Variants in TMEM14A observed in about 807,000 individuals in gnomAD.
TMEM14A encodes transmembrane protein 14A.
Under a neutral mutation model 11.6 loss-of-function variants are expected in TMEM14A, and 8 were observed. The observed-to-expected ratio is 0.69, with a 90% CI of 0.40 to 1.24. TMEM14A has a LOEUF of 1.24. TMEM14A is among the 50% of genes most tolerant of loss of function. The pLI, the probability that TMEM14A is intolerant of heterozygous loss-of-function variation, is 0.01. For synonymous variants in TMEM14A, 34 were observed against 45.5 expected, an observed-to-expected ratio of 0.75 and a Z score of 1.02; for missense variants, 108 against 121.9, an observed-to-expected ratio of 0.89 and a Z score of 0.54.
At chr6:52,679,491 C>G (rs1457762721) in intron 2 of TMEM14A, among the ~76,000 whole-genome samples, 1 of 152,120 alleles carries the variant, frequency 6.6e-6, no homozygotes. Flanking sequence ...TTTGGACGAC[C>G]ATAAGAGCAC....
intron 1 of TMEM14A, among the ~76,000 whole-genome samples, chr6:52,671,682 A>T (rs1769164689): frequency 6.6e-6 from 1 of 152,138 alleles, no homozygotes; most frequent in Non-Finnish European, 1.5e-5. Context: ...GTTCACCGAA[A>T]ATCTCTTAAT....
At chr6:52,677,940 A>G (rs1769290074) in intron 2 of TMEM14A, among the ~76,000 whole-genome samples, 2 of 152,232 alleles carry the variant, frequency 1.3e-5, no homozygotes, top group South Asian at 4.1e-4. Context: ...GAAGCACCGT[A>G]TAGCTCTTGT....
chr6:52,683,277 T>C (rs1350192880), intron 3 of TMEM14A, among the ~76,000 whole-genome samples: 1 of 152,032 alleles, frequency 6.6e-6, no homozygotes, highest in Non-Finnish European at 1.5e-5. Context: ...CTGGCCAACA[T>C]AGCAAGACCC....
At chr6:52,678,310 AGTGTGTGTATGTGTGTGTTTGTGT>A (rs1423851392) in intron 2 of TMEM14A, among the ~76,000 whole-genome samples, 2,027 of 140,628 alleles carry the variant, frequency 0.014, 25 homozygotes, top group Admixed American at 0.02. Flanking sequence ...AGATATAGAG[AGTGTGTGTATGTGTGTGTTTGTGT>A]GTGTGTGTGT....
chr6:52,678,329 T>TTG (rs201993880), intron 2 of TMEM14A, among the ~76,000 whole-genome samples: 353 of 30,126 alleles, frequency 0.012, no homozygotes, highest in Non-Finnish European at 0.051. Context: ...ATGTGTGTGT[T>TTG]TGTGTGTGTG....
intron 1 of TMEM14A, among the ~76,000 whole-genome samples, chr6:52,674,165 A>T (rs1769212650): frequency 6.6e-6 from 1 of 152,240 alleles, no homozygotes; most frequent in Non-Finnish European, 1.5e-5. Flanking sequence ...ACTTTATAGC[A>T]TATGGTTAGC....
chr6:52,679,630 C>T (rs931687513), intron 2 of TMEM14A, among the ~76,000 whole-genome samples: 10 of 152,198 alleles, frequency 6.6e-5, no homozygotes, highest in African/African-American at 2.4e-4. Context: ...CTTGTAGCCC[C>T]CACTATGGGT....
At chr6:52,679,775 C>A (rs1024295448) in intron 2 of TMEM14A, among the ~76,000 whole-genome samples, 7 of 151,806 alleles carry the variant, frequency 4.6e-5, no homozygotes, top group Non-Finnish European at 8.8e-5. Flanking sequence ...TGCTGGTGAG[C>A]CTGCCCCTGC....
chr6:52,680,342 C>A (rs1272497564), intron 2 of TMEM14A, among the ~76,000 whole-genome samples: 1 of 151,544 alleles, frequency 6.6e-6, no homozygotes, highest in South Asian at 2.1e-4. Context: ...GTCTGAAAGC[C>A]ATGACGAATA....
In TMEM14A at chr6:52,681,811, A is replaced by G. The variant is rs979095485; in HGVS notation, c.71-2A>G. 12 of 1,613,368 alleles carry G rather than the reference A, an allele frequency of 7.4e-6. No homozygotes were observed. The highest frequency in any genetic ancestry group is 2.7e-5 in the African/African-American group (2 of 74,830). ...TGATCTCATATTTTTTTCCCCTTCC[A>G]GGTGGTGTTCCGTCTTTGATTGCTG... is the stretch of plus-strand genomic sequence containing the variant. On this transcript the variant is annotated splice_acceptor_variant, in intron 2 of 4. Transcript: ENST00000211314. LOFTEE classifies it high-confidence loss of function.
In TMEM14A at chr6:52,686,106, T is replaced by C. The variant is rs1450246434; in HGVS notation, c.*57T>C. The stretch of plus-strand genomic sequence containing the variant: ...TCATCCTGCTGTAATGGGCAGAGCA[T>C]ATTTTTTTTGTATTTAAAAGATAAA... On this transcript the variant is annotated 3_prime_UTR_variant, in exon 5 of 5. Transcript: ENST00000211314. 3.3e-6 allele frequency: 5 copies of C among 1,510,066 alleles called. No individual in the cohort carries two copies. The East Asian group carries it at 9.4e-5, about 28-fold the overall frequency. The allele number at this position is 1,510,066 out of a possible 1,614,324, so 93.5% of individuals were successfully genotyped here.
intron 2 of TMEM14A, among the ~76,000 whole-genome samples, chr6:52,677,451 G>A (rs1769279367): frequency 6.7e-6 from 1 of 150,214 alleles, no homozygotes; most frequent in Admixed American, 6.7e-5. Context: ...TCTCCCTCAG[G>A]ACCACTGCTT....
chr6:52,674,366 A>G (rs16882854), intron 1 of TMEM14A, among the ~76,000 whole-genome samples: 1,977 of 152,232 alleles, frequency 0.013, 34 homozygotes, highest in African/African-American at 0.045. Flanking sequence ...CAGCTAACTC[A>G]GTTATCAGAG....
At chr6:52,677,968 G>A (rs969870687) in intron 2 of TMEM14A, among the ~76,000 whole-genome samples, 2 of 152,084 alleles carry the variant, frequency 1.3e-5, no homozygotes, top group African/African-American at 2.4e-5. Flanking sequence ...GGGCTGGCAG[G>A]TAGAATTGAC....
At chr6:52,677,306 A>G (rs1769275809) in intron 2 of TMEM14A, 134 bp downstream of exon 2, 4 of 941,386 alleles carry the variant, frequency 4.2e-6, no homozygotes, top group Non-Finnish European at 6.7e-6. Context: ...CGTGTCTTGG[A>G]AGGGACTCAT....
At chr6:52,678,054 A>G (rs1213107682) in intron 2 of TMEM14A, among the ~76,000 whole-genome samples, 1 of 152,180 alleles carries the variant, frequency 6.6e-6, no homozygotes, top group Non-Finnish European at 1.5e-5. Flanking sequence ...TGTATGTATT[A>G]GAGATGTGTA....
intron 2 of TMEM14A, among the ~76,000 whole-genome samples, 188 bp downstream of exon 2, chr6:52,677,360 C>G (rs1457872993): frequency 6.6e-6 from 1 of 152,152 alleles, no homozygotes; most frequent in African/African-American, 2.4e-5. Flanking sequence ...CAGAGTGTTC[C>G]AACCTGGGGG....
Position 52,684,086 on chromosome 6 carries a change from T to C in TMEM14A, c.181T>C (p.Phe61Leu). The change falls in exon 4 of 5, where the codon TTC (phenylalanine) becomes CTC (leucine). Residue 61 changes from phenylalanine to leucine, a missense_variant. Coordinates refer to ENST00000211314, the MANE Select transcript of TMEM14A (RefSeq NM_014051.4). ...ATTAGTTTGGTTTTCAGTTACAGCT[T>C]TCTTCCTGGCTACCATAATGGGTGT... ...RDVKVSLFTA[F>L]FLATIMGVRF... The C allele has an allele frequency of 6.2e-6, 10 of 1,612,852 alleles. No individual in the cohort carries two copies. The highest frequency in any genetic ancestry group is 8.5e-6 in the Non-Finnish European group (10 of 1,179,664).
chr6:52,679,041 G>A (rs1769314512), intron 2 of TMEM14A, among the ~76,000 whole-genome samples: 1 of 152,236 alleles, frequency 6.6e-6, no homozygotes, highest in African/African-American at 2.4e-5. Context: ...TCTTGGGTCG[G>A]TGAAAGATGT....
Sources: allele counts gnomAD v4.1 joint callset (sites outside exome capture counted in the v4.1 genomes callset), GRCh38; gene constraint gnomAD v4.1.1; transcripts MANE v1.5; gene names NCBI Gene and HGNC (gene_info 2026-07-23, HGNC 2026-07-21).